Variants in GTPBP4 observed in about 807,000 individuals in gnomAD.
GTPBP4 encodes GTP binding protein 4, also known as GTP-binding protein 4.
In GTPBP4, 15 loss-of-function variants were observed where a neutral mutation model predicts 81.7. The observed-to-expected ratio is 0.18, with a 90% CI of 0.12 to 0.28. The LOEUF (loss-of-function observed/expected upper bound fraction) is 0.28, where lower values mean the gene tolerates loss of function less well. Ranked by LOEUF, GTPBP4 falls within the 10% of genes least tolerant of loss-of-function variation. GTPBP4 has a pLI of 1.00. For synonymous variants in GTPBP4, 272 were observed against 274.6 expected (o/e 0.99, Z 0.09); for missense variants, 847 against 793.8 (o/e 1.07, Z -0.81).
At chr10:989,469 G>A (rs1589020628) in intron 1 of GTPBP4, among the ~76,000 whole-genome samples, 2 of 152,210 alleles carry the variant, frequency 1.3e-5, no homozygotes, top group Middle Eastern at 3.4e-3. Context: ...ATTCGATTTG[G>A]GTCGCAATTA....
chr10:990,455 G>T (rs781573437), intron 1 of GTPBP4, among the ~76,000 whole-genome samples: 5 of 152,148 alleles, frequency 3.3e-5, no homozygotes, highest in Admixed American at 6.5e-5. Context: ...GGGTGCGGTG[G>T]CTCTCGCCTG....
At chr10:990,718 A>T (rs1422971800) in intron 1 of GTPBP4, among the ~76,000 whole-genome samples, 2 of 74,466 alleles carry the variant, frequency 2.7e-5, no homozygotes, top group African/African-American at 5.5e-5. Flanking sequence ...ACAGAGCAAG[A>T]CTCCATCTCA....
chr10:1,000,147 C>T (rs1831600352), intron 6 of GTPBP4, among the ~76,000 whole-genome samples: 1 of 151,844 alleles, frequency 6.6e-6, no homozygotes, highest in African/African-American at 2.4e-5. Flanking sequence ...TTGAGCTCTA[C>T]AGGGTTCCTC....
chr10:1,017,562 C>T lies in GTPBP4; in HGVS notation c.*335C>T. ...TTCTTTTGTAAGAGCTGGGAGCAAACACGTTTATGAGTGTGTCGGAATCCC... is the reference window on the plus strand; with the variant it reads ...TTCTTTTGTAAGAGCTGGGAGCAAATACGTTTATGAGTGTGTCGGAATCCC... On this transcript the variant is annotated 3_prime_UTR_variant, in exon 17 of 17. Transcript: ENST00000360803. The T allele has an allele frequency of 5.0e-6, 1 of 200,080 alleles. No individual in the cohort carries two copies. Among genetic ancestry groups the T allele is most frequent in the Non-Finnish European group, 1.0e-5 (1 of 99,858 alleles). The allele number at this position is 200,080 out of a possible 1,614,324, so 12.4% of individuals were successfully genotyped here.
intron 13 of GTPBP4, among the ~76,000 whole-genome samples, chr10:1,012,027 G>T (rs985321139): frequency 1.3e-5 from 2 of 152,162 alleles, no homozygotes; most frequent in Non-Finnish European, 2.9e-5. Context: ...AAACGTGTGT[G>T]TTTTAGTTTT....
chr10:1,009,501 C>T lies in GTPBP4; in HGVS notation c.1192-28C>T, dbSNP rs913678718. On this transcript the variant is annotated intron_variant, in intron 11 of 16. Transcript: ENST00000360803. ...TCTGGATCTGAAAGGCAAAATGAAG[C>T]TGATGATAATTTCTCTTTCTATTGC... is the stretch of plus-strand genomic sequence containing the variant. 6 of 1,521,758 alleles carry T rather than the reference C, an allele frequency of 3.9e-6. No homozygotes were observed. The African/African-American group carries it at 5.5e-5, about 14-fold the overall frequency. The allele number at this position is 1,521,758 out of a possible 1,614,324, so 94.3% of individuals were successfully genotyped here. A position where few individuals can be genotyped will look rare whatever the true frequency, so the allele number is the denominator to read the frequency against.
rs2132155003 is a variant in GTPBP4 at position 992,521 on chromosome 10, A to G, written c.81A>G (p.Gln27=). The change falls in exon 2 of 17, where the codon CAA becomes CAG. Residue 27 remains glutamine, a synonymous_variant. Transcript: ENST00000360803. The part of the protein sequence containing the change: ...DFIDLTLSKT[Q]RKTPTVIHKH... ...TAGACCTCACGTTGTCGAAGACTCA[A>G]CGAAAGACTCCAACCGTTATTCATA... 1.2e-6 allele frequency: 2 copies of G among 1,606,724 alleles called. No individual in the cohort carries two copies. The highest frequency in any genetic ancestry group is 1.7e-5 in the Admixed American group (1 of 59,970).
chr10:1,005,509 C>T (rs368094612), intron 8 of GTPBP4, among the ~76,000 whole-genome samples: 227 of 152,138 alleles, frequency 1.5e-3, no homozygotes, highest in Non-Finnish European at 2.5e-3. Context: ...GTGCCTGTTA[C>T]TCCTGTGATG....
chr10:995,303 G>C (rs1831519077), intron 2 of GTPBP4, among the ~76,000 whole-genome samples: 1 of 152,172 alleles, frequency 6.6e-6, no homozygotes, highest in Admixed American at 6.5e-5. Context: ...CCACCTAGAA[G>C]CTGTGAGGAA....
chr10:1,004,301 A>G (rs1457821722), intron 8 of GTPBP4, among the ~76,000 whole-genome samples: 1 of 152,114 alleles, frequency 6.6e-6, no homozygotes, highest in Non-Finnish European at 1.5e-5. Context: ...AGGGAGGAGG[A>G]CAGCAGTGAC....
chr10:1,010,913 C>A (rs1831849249), intron 13 of GTPBP4, among the ~76,000 whole-genome samples: 1 of 149,840 alleles, frequency 6.7e-6, no homozygotes, highest in Admixed American at 6.6e-5. Flanking sequence ...CCTACACCAC[C>A]TTCCCCACCC....
At chr10:1,004,699 C>T (rs971491885) in intron 8 of GTPBP4, among the ~76,000 whole-genome samples, 1 of 152,142 alleles carries the variant, frequency 6.6e-6, no homozygotes, top group African/African-American at 2.4e-5. Context: ...CCGTTGGGTG[C>T]TAGAGCAAGG....
rs752833976 is a variant in GTPBP4 at position 1,005,861 on chromosome 10, A to C, written c.956A>C (p.Glu319Ala). 3 of 1,603,420 alleles carry C rather than the reference A, an allele frequency of 1.9e-6. No individual in the cohort carries two copies. Among genetic ancestry groups the C allele is most frequent in the Non-Finnish European group, 2.6e-6 (3 of 1,173,174 alleles). The change falls in exon 9 of 17, where the codon GAG becomes GCG. Residue 319 changes from glutamate to alanine, a missense_variant. Glu to Ala is a moderately radical substitution (Grantham distance 107). Around this residue, in one of 3 missense-constraint regions of GTPBP4, gnomAD observed 600 missense variants for 557.1 expected, o/e 1.08. Coordinates refer to ENST00000360803, the MANE Select transcript of GTPBP4 (RefSeq NM_012341.3). ...CAGTCTGAAGGATTCCCTGTAATAG[A>C]GACCAGCACCCTGACTGAGGAAGGT... ...DLQSEGFPVI[E>A]TSTLTEEGVI...
rs572736943 is a variant in GTPBP4 at position 1,009,806 on chromosome 10, G to A, written c.1243+226G>A. Among the ~76,000 whole-genome samples, 116 of 152,286 alleles carry A rather than the reference G, an allele frequency of 7.6e-4. No homozygotes were observed. The South Asian group carries it at 7.9e-3, about 10-fold the overall frequency. ...GCCCAGGAGTTTGAGACCAACCTGG[G>A]CAACATGGCAGAACCCCGTCTCTAC... On this transcript the variant is annotated intron_variant, in intron 12 of 16. Transcript: ENST00000360803.
chr10:1,001,103 C>G, intron 8 of GTPBP4, 90 bp downstream of exon 8: 2 of 793,632 alleles, frequency 2.5e-6, no homozygotes, highest in South Asian at 1.5e-5. Flanking sequence ...GGAATTTTAG[C>G]AATACTAGTC....
At position 1,012,809 on chromosome 10, in the gene GTPBP4, G is replaced by T. The variant is rs889803446; in HGVS notation, c.1542+147G>T. ...TATTGGTGTATGGATTTGCAAGATC[G>T]CTCACGTATTGATCTTTTATATTCT... On this transcript the variant is annotated intron_variant, in intron 14 of 16. Coordinates refer to ENST00000360803, the MANE Select transcript of GTPBP4 (RefSeq NM_012341.3). 3 of 619,482 alleles carry T rather than the reference G, an allele frequency of 4.8e-6. No homozygotes were observed. The African/African-American group carries it at 5.6e-5, about 12-fold the overall frequency. 38.4% of individuals were successfully genotyped at this position (619,482 alleles called of 1,614,324 possible).
In GTPBP4 at chr10:1,010,539, AT is replaced by A; in HGVS notation, c.1344+21del. Reference sequence around the variant, plus strand: ...CATGAAGGTTTGTGTCACTTTTTAAATTGCGGATTGTTTTCCTTTTTATTAT... The same window carrying A: ...CATGAAGGTTTGTGTCACTTTTTAAATGCGGATTGTTTTCCTTTTTATTAT... On this transcript the variant is annotated intron_variant, in intron 13 of 16. Coordinates refer to ENST00000360803, the MANE Select transcript of GTPBP4 (RefSeq NM_012341.3). 1 of 1,275,746 alleles carries A rather than the reference AT, an allele frequency of 7.8e-7. No individual in the cohort carries two copies. Among genetic ancestry groups the A allele is most frequent in the Non-Finnish European group, 1.1e-6 (1 of 870,938 alleles). The allele number at this position is 1,275,746 out of a possible 1,614,324, so 79.0% of individuals were successfully genotyped here.
chr10:1,016,520 A>G (rs1393062607), intron 16 of GTPBP4, among the ~76,000 whole-genome samples: 3 of 152,128 alleles, frequency 2.0e-5, no homozygotes, highest in Non-Finnish European at 1.5e-5. Flanking sequence ...CCTGAGCTTC[A>G]CTCCTCTGTG....
intron 15 of GTPBP4, among the ~76,000 whole-genome samples, chr10:1,015,343 C>G (rs1434701672): frequency 6.9e-6 from 1 of 144,484 alleles, no homozygotes; most frequent in Non-Finnish European, 1.5e-5. Context: ...GACCTCATGC[C>G]TGTCGCTGAG....
Sources: allele counts gnomAD v4.1 joint callset (sites outside exome capture counted in the v4.1 genomes callset), GRCh38; gene constraint gnomAD v4.1.1; regional missense constraint gnomAD v4.1.1; transcripts MANE v1.5; gene names NCBI Gene and HGNC (gene_info 2026-07-23, HGNC 2026-07-21).